Variants in NPHP4 observed in about 807,000 individuals in gnomAD.
NPHP4 encodes nephrocystin-4.
NPHP4 carries 151 observed loss-of-function variants against 155.8 expected under a neutral mutation model. The observed-to-expected ratio is 0.97, with a 90% CI of 0.85 to 1.11. The LOEUF (loss-of-function observed/expected upper bound fraction) is 1.11. Among genes scored for constraint, NPHP4 ranks in the 50% least tolerant of loss-of-function variants. The probability of loss-of-function intolerance (pLI) is 0.00; values close to 1 mark genes in which losing one functional copy is unlikely to be tolerated. For synonymous variants in NPHP4, 845 were observed against 816.8 expected (o/e 1.03, Z -0.59); for missense variants, 1,956 against 1,925.7 (o/e 1.02, Z -0.29).
intron 5 of NPHP4, among the ~76,000 whole-genome samples, chr1:5,962,873 G>A (rs983649400): frequency 2.6e-5 from 4 of 152,200 alleles, no homozygotes; most frequent in Non-Finnish European, 5.9e-5. Flanking sequence ...GAAACACAGG[G>A]CCTGGGCTGC....
At position 5,905,544 on chromosome 1, in the gene NPHP4, C is replaced by T; in HGVS notation, c.1764-61G>A. ...AAAGGGGGGACCCATTGATGCACCT[C>T]CCTGTGGAAACCCTGGGGTTCACAA... On this transcript the variant is annotated intron_variant, in intron 14 of 29. Transcript: ENST00000378156. This position sits in a 1 kb window ranked among gnomAD's most constrained non-coding sequence, Gnocchi z 4.0. 4 of 1,599,392 alleles carry T rather than the reference C, an allele frequency of 2.5e-6. No individual in the cohort carries two copies. Among genetic ancestry groups the T allele is most frequent in the Non-Finnish European group, 2.6e-6 (3 of 1,168,856 alleles).
intron 17 of NPHP4, chr1:5,888,487 C>A (rs1027604498): frequency 2.4e-6 from 3 of 1,252,840 alleles, no homozygotes; most frequent in South Asian, 1.4e-5. Context: ...GGTCTGGGGG[C>A]TTCCGGTCGC....
chr1:5,986,935 G>A (rs140437359), intron 1 of NPHP4, among the ~76,000 whole-genome samples: 7 of 152,164 alleles, frequency 4.6e-5, no homozygotes, highest in East Asian at 3.9e-4. Flanking sequence ...GGGGACCCAG[G>A]GAGCATGAGA....
Position 5,961,859 on chromosome 1 carries a change from G to C in NPHP4, c.608C>G (p.Pro203Arg). Reference sequence around the variant, plus strand: ...CAGACCAGACACCAGAAGGTTCTCAGGAAGAAGGTGGAACGCAGGCTCCAG... The same window carrying C: ...CAGACCAGACACCAGAAGGTTCTCACGAAGAAGGTGGAACGCAGGCTCCAG... ...PALEPAFHLL[P>R]ENLLVSGLQQ... is the part of the protein sequence containing the mutation. The change falls in exon 6 of 30, where the codon CCT becomes CGT. Residue 203 changes from proline (P) to arginine (R), a missense_variant. Pro to Arg is a moderately radical substitution (Grantham distance 103, BLOSUM62 -2). Coordinates refer to ENST00000378156, the MANE Select transcript of NPHP4 (RefSeq NM_015102.5). 1 of 1,613,828 alleles carries C rather than the reference G, an allele frequency of 6.2e-7. No individual in the cohort carries two copies. The highest frequency in any genetic ancestry group is 1.7e-4 in the Middle Eastern group (1 of 6,060).
chr1:5,864,883 A>AACACC, intron 27 of NPHP4: 1 of 566,156 alleles, frequency 1.8e-6, no homozygotes, highest in South Asian at 2.4e-5. Context: ...AGGAATTCTG[A>AACACC]ACACCGGCCT....
intron 23 of NPHP4, among the ~76,000 whole-genome samples, chr1:5,869,403 TGAG>T (rs1641769814): frequency 6.6e-6 from 1 of 152,174 alleles, no homozygotes; most frequent in African/African-American, 2.4e-5. Flanking sequence ...CTGCACACAC[TGAG>T]AAGGAGAGAG....
At chr1:5,876,156 T>C (rs1029338095) in intron 20 of NPHP4, 5 of 150,442 alleles carry the variant, frequency 3.3e-5, no homozygotes, top group Admixed American at 6.6e-5. Flanking sequence ...TCCAAGCTTA[T>C]GCTGACAGAG....
chr1:5,940,424 T>C (rs1342366206), intron 9 of NPHP4, among the ~76,000 whole-genome samples: 1 of 152,164 alleles, frequency 6.6e-6, no homozygotes, highest in East Asian at 1.9e-4. Flanking sequence ...CAGTCTGTGG[T>C]ATTCAGTTAC....
intron 5 of NPHP4, among the ~76,000 whole-genome samples, chr1:5,962,674 T>C (rs1197313423): frequency 6.6e-6 from 1 of 152,154 alleles, no homozygotes; most frequent in Non-Finnish European, 1.5e-5. Flanking sequence ...ACGGGAGAAC[T>C]GGATCCGAAC....
rs1648382785 is a variant in NPHP4 at position 5,952,691 on chromosome 1, A to C, written c.810+9T>G. ...CACCCTGCCCCCCATCACGCTTCTG[A>C]CTCCACACCTCCTGGAAGTGGTCCT... On this transcript the variant is annotated intron_variant, in intron 7 of 29. Coordinates refer to ENST00000378156, the MANE Select transcript of NPHP4 (RefSeq NM_015102.5). 6.6e-7 allele frequency: 1 copy of C among 1,520,724 alleles called. No homozygotes were observed. Among genetic ancestry groups the C allele is most frequent in the African/African-American group, 1.4e-5 (1 of 71,046 alleles). The allele number at this position is 1,520,724 out of a possible 1,614,324, so 94.2% of individuals were successfully genotyped here.
Position 5,961,805 on chromosome 1 carries a change from T to C in NPHP4, c.662A>G (p.His221Arg). The C allele has an allele frequency of 1.2e-6, 2 of 1,612,396 alleles. No individual in the cohort carries two copies. ...LQQIPGLLPA[H>R]GESGDALRKP... ...AAAGACGCCCTTACCGGATTCTCCA[T>C]GAGCTGGAAGCAGGCCAGGTATCTG... Residue 221 changes from histidine (H) to arginine (R), a missense_variant, in exon 6 of 30, where the codon CAT (histidine) becomes CGT (arginine). Coordinates refer to ENST00000378156, the MANE Select transcript of NPHP4 (RefSeq NM_015102.5).
chr1:5,933,202 T>C lies in NPHP4; in HGVS notation c.1247A>G (p.Asn416Ser), dbSNP rs750315015. The C allele has an allele frequency of 6.2e-6, 10 of 1,613,630 alleles. No homozygotes were observed. The highest frequency in any genetic ancestry group is 5.0e-5 in the Admixed American group (3 of 59,996). The change falls in exon 10 of 30, where the codon AAC becomes AGC. Residue 416 changes from asparagine to serine, a missense_variant. Transcript: ENST00000378156. ...CTTGTAGACCAGACAGTGCGAGGGGTTGGGCTGGATCCCACCCTGCAGAGG... is the reference window on the plus strand; with the variant it reads ...CTTGTAGACCAGACAGTGCGAGGGGCTGGGCTGGATCCCACCCTGCAGAGG... ...TLPLQGGIQPNPSHCLVYKVP... is the reference protein window; with the variant it reads ...TLPLQGGIQPSPSHCLVYKVP...
chr1:5,879,816 A>AAC (rs34867257), intron 19 of NPHP4, among the ~76,000 whole-genome samples: 5 of 126,232 alleles, frequency 4.0e-5, no homozygotes, highest in Admixed American at 2.2e-4. Flanking sequence ...CACACACGCA[A>AAC]ACACACACAC....
chr1:5,864,732 C>T, intron 27 of NPHP4: 1 of 547,566 alleles, frequency 1.8e-6, no homozygotes, highest in Admixed American at 3.2e-5. Flanking sequence ...CGACTATTCC[C>T]TAAGCGCTGC....
chr1:5,969,046 G>T, intron 4 of NPHP4, 41 bp downstream of exon 4: 3 of 1,281,846 alleles, frequency 2.3e-6, no homozygotes, highest in Non-Finnish European at 3.2e-6. Context: ...AAAAAAGACA[G>T]ACGCTGGAAA....
chr1:5,983,964 A>T (rs1254336245), intron 2 of NPHP4, among the ~76,000 whole-genome samples: 12 of 152,108 alleles, frequency 7.9e-5, no homozygotes, highest in Admixed American at 7.9e-4. Context: ...TTGGGTTTTA[A>T]ATAACTTTTA....
intron 9 of NPHP4, among the ~76,000 whole-genome samples, chr1:5,933,978 C>T (rs1328167513): frequency 6.6e-6 from 1 of 152,212 alleles, no homozygotes; most frequent in East Asian, 1.9e-4. Context: ...AAACCAATCC[C>T]TTGGGTTACA....
At position 5,887,425 on chromosome 1, in the gene NPHP4, G is replaced by A. The variant is rs1433852047; in HGVS notation, c.2346C>T (p.His782=). The change falls in exon 18 of 30, where the codon CAC becomes CAT. Residue 782 remains histidine (H), a synonymous_variant. Transcript: ENST00000378156. ...RQGRPAVQAS[H]ELEVVATEYE... ...ATTCAGTTGCCACGACCTCAAGCTC[G>A]TGGGAGGCCTGCACAGCCGGCCGGC... is the stretch of plus-strand genomic sequence containing the variant. 45 of 1,613,192 alleles carry A rather than the reference G, an allele frequency of 2.8e-5. No homozygotes were observed. Among genetic ancestry groups the A allele is most frequent in the African/African-American group, 5.3e-5 (4 of 74,944 alleles).
chr1:5,937,984 C>T (rs188860863), intron 9 of NPHP4, among the ~76,000 whole-genome samples: 12 of 152,340 alleles, frequency 7.9e-5, no homozygotes, highest in African/African-American at 2.4e-4. Flanking sequence ...GCTGACCCCT[C>T]GCAGGCACCA....
Sources: gnomAD v4.1 joint callset for allele counts (sites outside exome capture counted in the v4.1 genomes callset) on GRCh38, gnomAD v4.1.1 for gene constraint, Gnocchi (gnomAD v3.1) non-coding constraint, MANE v1.5 for transcripts, NCBI Gene and HGNC (gene_info 2026-07-23, HGNC 2026-07-21) for gene names.